Variants in ADGRL3 observed in about 807,000 individuals in gnomAD.
ADGRL3 encodes the protein calcium-independent alpha-latrotoxin receptor 3.
A neutral mutation model predicts 153.5 loss-of-function variants in ADGRL3; 62 were observed. The ratio of observed to expected loss-of-function variants is 0.40; its 90% CI spans 0.33 to 0.50. ADGRL3 has a LOEUF of 0.50. ADGRL3 is among the 20% of genes least tolerant of loss of function. ADGRL3 has a pLI of 0.47. For synonymous variants in ADGRL3, 710 were observed against 672.5 expected (o/e 1.06, Z -0.86); for missense variants, 1,641 against 1,859.4 (o/e 0.88, Z 2.16).
At chr4:61,631,142 T>C (rs555705344) in intron 5 of ADGRL3, among the ~76,000 whole-genome samples, 1 of 152,176 alleles carries the variant, frequency 6.6e-6, no homozygotes, top group Non-Finnish European at 1.5e-5. Context: ...TTTTCGTTGT[T>C]CCTTTGTTAT....
intron 4 of ADGRL3, among the ~76,000 whole-genome samples, chr4:61,543,861 A>G (rs1419145936): frequency 6.6e-6 from 1 of 152,216 alleles, no homozygotes; most frequent in Non-Finnish European, 1.5e-5. Flanking sequence ...TAATTTCAAC[A>G]TATTCCATTA....
chr4:62,033,435 G>T (rs1174883876), intron 23 of ADGRL3, among the ~76,000 whole-genome samples: 1 of 151,696 alleles, frequency 6.6e-6, no homozygotes, highest in Non-Finnish European at 1.5e-5. Context: ...TGGTGAGTGA[G>T]AATAGAGCTG....
intron 17 of ADGRL3, among the ~76,000 whole-genome samples, chr4:61,973,778 G>C (rs1001337096): frequency 1.3e-5 from 2 of 151,714 alleles, no homozygotes; most frequent in Non-Finnish European, 2.9e-5. Flanking sequence ...ATTTTTTAGT[G>C]TCATCTTTGT....
intron 1 of ADGRL3, among the ~76,000 whole-genome samples, chr4:61,288,650 A>G (rs1017049860): frequency 9.2e-5 from 14 of 151,986 alleles, no homozygotes; most frequent in South Asian, 4.1e-4. Flanking sequence ...TTCAGTTTCT[A>G]TGGTAGGGGC....
intron 2 of ADGRL3, among the ~76,000 whole-genome samples, chr4:61,456,348 G>A (rs2097735826): frequency 7.0e-6 from 1 of 142,714 alleles, no homozygotes; most frequent in African/African-American, 2.6e-5. Context: ...ATATTTGAAG[G>A]AGATATATAT....
At chr4:61,493,827 T>G (rs1159409397) in intron 2 of ADGRL3, among the ~76,000 whole-genome samples, 1 of 152,234 alleles carries the variant, frequency 6.6e-6, no homozygotes, top group Non-Finnish European at 1.5e-5. Flanking sequence ...TTTTCATCCA[T>G]TTTCTTCTTT....
At chr4:61,328,979 G>C (rs549076162) in intron 1 of ADGRL3, among the ~76,000 whole-genome samples, 3 of 152,046 alleles carry the variant, frequency 2.0e-5, no homozygotes, top group Non-Finnish European at 4.4e-5. Context: ...ATCTCTGTTA[G>C]GACTGACCTG....
chr4:61,588,740 A>G (rs944374014), intron 5 of ADGRL3, among the ~76,000 whole-genome samples: 1 of 152,050 alleles, frequency 6.6e-6, no homozygotes, highest in Non-Finnish European at 1.5e-5. Flanking sequence ...ACTAAATGCT[A>G]TGCCTGAAAG....
At chr4:61,446,966 C>T (rs1479027437) in intron 2 of ADGRL3, among the ~76,000 whole-genome samples, 2 of 152,040 alleles carry the variant, frequency 1.3e-5, no homozygotes, top group Non-Finnish European at 2.9e-5. Flanking sequence ...GTATGCATAC[C>T]CCTGCTCCAA....
At chr4:61,574,722 A>G (rs1299219117) in intron 4 of ADGRL3, among the ~76,000 whole-genome samples, 1 of 151,880 alleles carries the variant, frequency 6.6e-6, no homozygotes, top group Non-Finnish European at 1.5e-5. Flanking sequence ...TGGTGGATGT[A>G]TTTCTTGAAG....
chr4:61,833,080 A>G (rs879378386), intron 9 of ADGRL3, among the ~76,000 whole-genome samples: 4 of 152,156 alleles, frequency 2.6e-5, no homozygotes, highest in Non-Finnish European at 5.9e-5. Flanking sequence ...AAAAGAAAAA[A>G]GTGTTTATTT....
At chr4:62,051,133 G>A (rs190268259) in intron 25 of ADGRL3, among the ~76,000 whole-genome samples, 2,885 of 140,110 alleles carry the variant, frequency 0.021, 107 homozygotes, top group East Asian at 0.15. Flanking sequence ...ATATATGTGT[G>A]TATATATATA....
rs1300552627 is a variant in ADGRL3, at chr4:61,250,066, C to T, written c.-240+48301C>T. Among the ~76,000 whole-genome samples the T allele has an allele frequency of 3.9e-5, 6 of 152,116 alleles. No individual in the cohort carries two copies. The South Asian group carries it at 1.0e-3, about 26-fold the overall frequency. On this transcript the variant is annotated intron_variant, in intron 1 of 26. Coordinates refer to ENST00000683033, the MANE Select transcript of ADGRL3 (RefSeq NM_001387552.1). Reference sequence around the variant, plus strand: ...ATTGGTGTCTCCTTGCATTGTCTCCCTTCTATAATGCCTTACTCAGTGTTG... The same window carrying T: ...ATTGGTGTCTCCTTGCATTGTCTCCTTTCTATAATGCCTTACTCAGTGTTG...
intron 5 of ADGRL3, among the ~76,000 whole-genome samples, chr4:61,674,123 T>A (rs2095102133): frequency 6.8e-6 from 1 of 147,996 alleles, no homozygotes; most frequent in Admixed American, 6.9e-5. Context: ...TAATATATAA[T>A]ATGTAAATTT....
At chr4:61,738,935 G>A (rs2096550878) in intron 8 of ADGRL3, among the ~76,000 whole-genome samples, 1 of 151,924 alleles carries the variant, frequency 6.6e-6, no homozygotes, top group African/African-American at 2.4e-5. Flanking sequence ...GCAAAGTTTA[G>A]AAGAAGTTTA....
At chr4:61,714,085 C>A (rs1053294232) in intron 6 of ADGRL3, among the ~76,000 whole-genome samples, 18 of 152,190 alleles carry the variant, frequency 1.2e-4, no homozygotes, top group African/African-American at 4.1e-4. Context: ...AGCTACAATT[C>A]TTTTCTGCAC....
At chr4:61,555,622 C>G (rs186369024) in intron 4 of ADGRL3, among the ~76,000 whole-genome samples, 2 of 152,002 alleles carry the variant, frequency 1.3e-5, no homozygotes, top group African/African-American at 4.8e-5. Flanking sequence ...ATCCAGACCC[C>G]GAGAGGGATC....
chr4:61,454,462 G>A (rs1010258291), intron 2 of ADGRL3, among the ~76,000 whole-genome samples: 1 of 152,062 alleles, frequency 6.6e-6, no homozygotes, highest in African/African-American at 2.4e-5. Context: ...GTGAATGTAT[G>A]CAAATAAGAC....
intron 2 of ADGRL3, among the ~76,000 whole-genome samples, chr4:61,405,201 G>GA (rs1376778835): frequency 1.3e-5 from 2 of 151,950 alleles, no homozygotes; most frequent in Non-Finnish European, 2.9e-5. Context: ...AATAATGGCA[G>GA]ATTAAAAACT....
Sources: allele counts gnomAD v4.1 joint callset (sites outside exome capture counted in the v4.1 genomes callset), GRCh38; gene constraint gnomAD v4.1.1; transcripts MANE v1.5; gene names NCBI Gene and HGNC (gene_info 2026-07-23, HGNC 2026-07-21).